EYS: variants seen among roughly 807,000 people sequenced by gnomAD.
The protein encoded by EYS is EGF-like photoreceptor maintenance factor, also known as protein eyes shut homolog.
A neutral mutation model predicts 282.1 loss-of-function variants in EYS; 250 were observed. The observed-to-expected ratio is 0.89, with a 90% CI of 0.80 to 0.98. The LOEUF (loss-of-function observed/expected upper bound fraction) is 0.98, where lower values mean the gene tolerates loss of function less well. Ranked by LOEUF, EYS falls within the 50% of genes least tolerant of loss-of-function variation. The pLI is 0.00. For synonymous variants in EYS, 1,355 were observed against 1,282.9 expected, an observed-to-expected ratio of 1.06 and a Z score of -1.20; for missense variants, 4,016 against 3,709.0, an observed-to-expected ratio of 1.08 and a Z score of -2.15.
intron 29 of EYS, 57 bp from the exon 30 acceptor site, chr6:64,307,139 T>C (rs1304166693): frequency 8.6e-6 from 8 of 925,374 alleles, no homozygotes; most frequent in South Asian, 5.9e-5. Flanking sequence ...TTCTTGAATA[T>C]ATTATTCTTG....
At chr6:63,775,025 C>T (rs1323771817) in intron 40 of EYS, among the ~76,000 whole-genome samples, 2 of 151,768 alleles carry the variant, frequency 1.3e-5, no homozygotes, top group Non-Finnish European at 2.9e-5. Flanking sequence ...TCCTTGGCTA[C>T]TAAGAACAGA....
intron 31 of EYS, among the ~76,000 whole-genome samples, chr6:64,194,871 C>T (rs1266629837): frequency 6.6e-6 from 1 of 152,028 alleles, no homozygotes; most frequent in Non-Finnish European, 1.5e-5. Context: ...ATAATAGAGA[C>T]CTTAAGTCTG....
intron 12 of EYS, among the ~76,000 whole-genome samples, chr6:65,223,179 C>A (rs1400664752): frequency 6.6e-6 from 1 of 152,086 alleles, no homozygotes; most frequent in Non-Finnish European, 1.5e-5. Flanking sequence ...ACCAGCCTGA[C>A]CAACATGGCA....
intron 12 of EYS, among the ~76,000 whole-genome samples, chr6:65,213,584 T>G (rs1264930805): frequency 6.6e-6 from 1 of 152,158 alleles, no homozygotes; most frequent in Non-Finnish European, 1.5e-5. Flanking sequence ...TGTTCAGCGA[T>G]CTCTTATGTT....
chr6:64,052,797 G>T (rs181927233), intron 33 of EYS, among the ~76,000 whole-genome samples: 1 of 152,114 alleles, frequency 6.6e-6, no homozygotes, highest in Admixed American at 6.6e-5. Context: ...TAAGCGTCTG[G>T]CATTTCCCCA....
chr6:64,953,425 G>C (rs903997610), intron 14 of EYS, among the ~76,000 whole-genome samples: 2 of 151,514 alleles, frequency 1.3e-5, no homozygotes, highest in African/African-American at 4.8e-5. Flanking sequence ...AAAATAAAGG[G>C]CTCTCCCTAT....
chr6:64,207,017 CTA>C (rs1176216509), intron 31 of EYS, among the ~76,000 whole-genome samples: 1 of 152,060 alleles, frequency 6.6e-6, no homozygotes, highest in Non-Finnish European at 1.5e-5. Flanking sequence ...TTGTTCTCCT[CTA>C]TGTGTCCATG....
At chr6:64,169,431 G>GTTTTT (rs35657029) in intron 31 of EYS, among the ~76,000 whole-genome samples, 1 of 140,962 alleles carries the variant, frequency 7.1e-6, no homozygotes, top group African/African-American at 2.8e-5. Context: ...TTGAGGAGGA[G>GTTTTT]TTTTTTTTTT....
At chr6:65,373,616 T>C (rs1478326616) in intron 8 of EYS, among the ~76,000 whole-genome samples, 1 of 152,096 alleles carries the variant, frequency 6.6e-6, no homozygotes, top group African/African-American at 2.4e-5. Flanking sequence ...AATAGAATGA[T>C]ACAGGTGCTT....
Position 64,278,717 on chromosome 6 carries a change from A to ACTCT in EYS, c.6191+28249_6191+28252dup, listed in dbSNP as rs113366162. On this transcript the variant is annotated intron_variant, in intron 30 of 42. Transcript: ENST00000503581. ...ATTAGTCTAGTTTGGTCAGCCAAAA[A>ACTCT]CTCTCTCTCTCTCTCTCTCTCTTTC... Among the ~76,000 whole-genome samples the ACTCT allele has an allele frequency of 7.0e-4, 99 of 142,134 alleles. 1 individual carries two copies. Among genetic ancestry groups the ACTCT allele is most frequent in the South Asian group, 2.0e-3 (9 of 4,400 alleles). The allele number at this position is 142,134 out of a possible 152,430, so 93.2% of individuals were successfully genotyped here.
chr6:65,409,911 T>C (rs934193434), intron 5 of EYS, among the ~76,000 whole-genome samples: 1 of 152,088 alleles, frequency 6.6e-6, no homozygotes, highest in Non-Finnish European at 1.5e-5. Flanking sequence ...GACCACACCA[T>C]TGACATTATT....
chr6:64,449,727 C>G (rs558463447), intron 26 of EYS, among the ~76,000 whole-genome samples: 28 of 152,272 alleles, frequency 1.8e-4, no homozygotes, highest in African/African-American at 6.7e-4. Flanking sequence ...AAAGAATTTT[C>G]AACCCAGAAT....
At chr6:65,328,640 T>A (rs548878268) in intron 11 of EYS, among the ~76,000 whole-genome samples, 1 of 150,960 alleles carries the variant, frequency 6.6e-6, no homozygotes, top group Admixed American at 6.6e-5. Flanking sequence ...TTTTAAAATA[T>A]AAATGGGAAA....
Position 64,885,813 on chromosome 6 carries a change from C to A in EYS, c.2992+884G>T, listed in dbSNP as rs559590911. Among the ~76,000 whole-genome samples the A allele has an allele frequency of 1.1e-4, 16 of 151,794 alleles. No homozygotes were observed. In the South Asian group the frequency reaches 3.3e-3, roughly 31 times the overall value. ...TTCTCTCACCTTTTGATTACTTATTCTCTGGAAATACTTCTAGTTCCTTTC... is the reference window on the plus strand; with the variant it reads ...TTCTCTCACCTTTTGATTACTTATTATCTGGAAATACTTCTAGTTCCTTTC... On this transcript the variant is annotated intron_variant, in intron 19 of 42. Transcript: ENST00000503581.
chr6:65,137,703 T>C (rs1776060191), intron 12 of EYS, among the ~76,000 whole-genome samples: 1 of 152,016 alleles, frequency 6.6e-6, no homozygotes, highest in African/African-American at 2.4e-5. Context: ...TTTAAGAGGT[T>C]AAAATATATA....
At chr6:65,615,915 G>C (rs948628324) in intron 2 of EYS, among the ~76,000 whole-genome samples, 13 of 148,288 alleles carry the variant, frequency 8.8e-5, no homozygotes, top group South Asian at 2.1e-4. Context: ...GCCTGGGCGA[G>C]AGAGCGAGAC....
intron 12 of EYS, among the ~76,000 whole-genome samples, chr6:65,122,522 T>C (rs1375548407): frequency 1.3e-5 from 2 of 152,084 alleles, no homozygotes; most frequent in Non-Finnish European, 2.9e-5. Flanking sequence ...CAAGTAACTA[T>C]CTTATTTTTT....
intron 8 of EYS, among the ~76,000 whole-genome samples, chr6:65,369,316 TTA>T (rs72353223): frequency 0.38 from 30,864 of 81,572 alleles, 3,759 homozygotes; most frequent in South Asian, 0.52. Context: ...AATATATATA[TTA>T]TATATATATA....
At chr6:64,822,132 G>A (rs115530205) in intron 20 of EYS, among the ~76,000 whole-genome samples, 1,798 of 152,056 alleles carry the variant, frequency 0.012, 36 homozygotes, top group African/African-American at 0.04. Context: ...CATCTGTGAT[G>A]CATTCTTCTT....
Sources: allele counts gnomAD v4.1 joint callset (sites outside exome capture counted in the v4.1 genomes callset), GRCh38; gene constraint gnomAD v4.1.1; transcripts MANE v1.5; gene names NCBI Gene and HGNC (gene_info 2026-07-23, HGNC 2026-07-21).